The following CLEC20A variants were observed in gnomAD, a reference collection of about 807,000 sequenced individuals.
CLEC20A encodes the protein C-type lectin domain containing 20A.
intron 1 of CLEC20A, among the ~76,000 whole-genome samples, chr1:178,495,337 T>G (rs777487953): frequency 1.3e-5 from 2 of 152,208 alleles, no homozygotes; most frequent in Admixed American, 6.5e-5. Context: ...CAGACTCAAG[T>G]ACCCTGGGCA....
chr1:178,493,084 C>A (rs991735368), intron 2 of CLEC20A, among the ~76,000 whole-genome samples: 1 of 152,082 alleles, frequency 6.6e-6, no homozygotes, highest in Non-Finnish European at 1.5e-5. Flanking sequence ...CAAGGGCAGA[C>A]CCAGAGGAGA....
Position 178,495,119 on chromosome 1 carries a change from G to A in CLEC20A, c.41-309C>T, listed in dbSNP as rs539798189. On this transcript the variant is annotated intron_variant, in intron 1 of 7. Coordinates refer to ENST00000623247, the Ensembl canonical transcript of CLEC20A. ...TCTGCCCCATCCTTTCTACAGAAAA[G>A]GTGAGGTGCCTTTCCTACATGCTGC... 3.3e-5 allele frequency among the ~76,000 whole-genome samples: 5 copies of A among 152,342 alleles called. No individual in the cohort carries two copies. The East Asian group carries it at 9.6e-4, about 29-fold the overall frequency.
chr1:178,482,899 C>G, intron 6 of CLEC20A: 1 of 305,992 alleles, frequency 3.3e-6, no homozygotes, highest in Non-Finnish European at 5.9e-6. Flanking sequence ...ATAGTTATCT[C>G]ATTGGGTGCT....
chr1:178,486,729 G>A (rs1013030683), intron 5 of CLEC20A: 3 of 397,860 alleles, frequency 7.5e-6, no homozygotes, highest in African/African-American at 2.1e-5. Flanking sequence ...CTTCCTGGGG[G>A]ACAGAGAGGC....
intron 6 of CLEC20A, chr1:178,482,632 C>T (rs1649019919): frequency 2.7e-6 from 1 of 366,750 alleles, no homozygotes; most frequent in Non-Finnish European, 4.8e-6. Context: ...CACAGCCTGG[C>T]TACCCATCAG....
chr1:178,486,959 G>C (rs2101867019), intron 5 of CLEC20A: 3 of 396,694 alleles, frequency 7.6e-6, no homozygotes, highest in East Asian at 7.1e-5. Context: ...TAGGAGGTGC[G>C]GAGGTCGGGC....
At chr1:178,490,347 G>T in exon 4 of CLEC20A, 1 of 398,704 alleles carries the variant, frequency 2.5e-6, no homozygotes, top group Non-Finnish European at 4.4e-6. Context: ...GGCCAGATCC[G>T]TGTGGTGGCT....
upstream of CLEC20A, among the ~76,000 whole-genome samples, chr1:178,498,821 T>G (rs980124942): frequency 1.3e-5 from 2 of 152,112 alleles, no homozygotes; most frequent in Non-Finnish European, 2.9e-5. Context: ...CACCCTTCCC[T>G]GATGGAAGGG....
In CLEC20A at chr1:178,496,682, G is replaced by A. The variant is rs1649402047; in HGVS notation, c.40+218C>T. The A allele has an allele frequency of 1.5e-5, 6 of 396,856 alleles. No individual in the cohort carries two copies. The East Asian group carries it at 2.1e-4, about 14-fold the overall frequency. The allele number at this position is 396,856 out of a possible 1,614,324, so 24.6% of individuals were successfully genotyped here. A position where few individuals can be genotyped will look rare whatever the true frequency, so the allele number is the denominator to read the frequency against. Reference sequence around the variant, plus strand: ...TGGAGCCGCACTGTTTCTGACTGCTGCCTTCTGGACGCTGGCTGAGTACTG... The same window carrying A: ...TGGAGCCGCACTGTTTCTGACTGCTACCTTCTGGACGCTGGCTGAGTACTG... On this transcript the variant is annotated intron_variant, in intron 1 of 7. Transcript: ENST00000623247.
intron 1 of CLEC20A, among the ~76,000 whole-genome samples, chr1:178,495,613 G>A (rs956750840): frequency 2.0e-5 from 3 of 151,990 alleles, no homozygotes; most frequent in African/African-American, 7.3e-5. Context: ...ATATTCCCAG[G>A]GCCCAGCATG....
At chr1:178,494,419 G>A (rs1053472049) in intron 2 of CLEC20A, 35 bp downstream of exon 2, 17 of 399,924 alleles carry the variant, frequency 4.3e-5, no homozygotes, top group Admixed American at 3.5e-4. Flanking sequence ...GCCCCTGGGG[G>A]AAAGACCAAG....
intron 5 of CLEC20A, among the ~76,000 whole-genome samples, chr1:178,485,961 TGG>T (rs978863831): frequency 2.0e-5 from 3 of 152,146 alleles, no homozygotes; most frequent in Non-Finnish European, 4.4e-5. Flanking sequence ...GAGATTAAAA[TGG>T]TAATAACTAC....
chr1:178,496,054 C>CG (rs1349844202), intron 1 of CLEC20A: 1 of 152,364 alleles, frequency 6.6e-6, no homozygotes, highest in East Asian at 1.9e-4. Flanking sequence ...AAGCTCCTCA[C>CG]ACCCACCGTA....
At chr1:178,492,521 A>G (rs375916) in exon 3 of CLEC20A, 60,230 of 398,386 alleles carry the variant, frequency 0.15, 5,102 homozygotes, top group Non-Finnish European at 0.18. Flanking sequence ...AGAGGTGGTC[A>G]GGCTGAGAGA....
chr1:178,493,181 A>C (rs919156125), intron 2 of CLEC20A, among the ~76,000 whole-genome samples: 3 of 152,102 alleles, frequency 2.0e-5, no homozygotes, highest in Non-Finnish European at 4.4e-5. Flanking sequence ...GTGTGGGGAC[A>C]GTGTGGGGAG....
chr1:178,493,286 A>C (rs2101876176), intron 2 of CLEC20A, among the ~76,000 whole-genome samples: 1 of 152,284 alleles, frequency 6.6e-6, no homozygotes, highest in Admixed American at 6.5e-5. Context: ...TCCCTTGGGA[A>C]CCCAGCATTT....
chr1:178,496,639 C>T (rs748182599), intron 1 of CLEC20A: 7 of 390,326 alleles, frequency 1.8e-5, no homozygotes, highest in South Asian at 1.4e-4. Context: ...GTCTTAGCCC[C>T]GCTAGAAAGA....
rs546465906 is a variant in CLEC20A, at chr1:178,494,281, T to C, written c.397+173A>G. ...GTTTTGTTTTTTAATTAGCCAGGTATGGTGGCATGCACCTGTAGTCCCAGC... is the reference window on the plus strand; with the variant it reads ...GTTTTGTTTTTTAATTAGCCAGGTACGGTGGCATGCACCTGTAGTCCCAGC... On this transcript the variant is annotated intron_variant, in intron 2 of 7. Transcript: ENST00000623247. 3.3e-5 allele frequency among the ~76,000 whole-genome samples: 5 copies of C among 152,336 alleles called. No individual in the cohort carries two copies. In the South Asian group the frequency reaches 8.3e-4, roughly 25 times the overall value.
At chr1:178,499,050 CT>C (rs1457879108), upstream of CLEC20A, among the ~76,000 whole-genome samples, 1 of 152,168 alleles carries the variant, frequency 6.6e-6, no homozygotes. Flanking sequence ...TGCCAGCCAC[CT>C]TTTCATTTGG....
Sources: allele counts gnomAD v4.1 joint callset (sites outside exome capture counted in the v4.1 genomes callset), GRCh38; gene constraint gnomAD v4.1.1; transcripts MANE v1.5; gene names NCBI Gene and HGNC (gene_info 2026-07-23, HGNC 2026-07-21).